The following DLGAP1 variants were observed in gnomAD, a reference collection of about 807,000 sequenced individuals.
DLGAP1 encodes disks large-associated protein 1.
Under a neutral mutation model 90.8 loss-of-function variants are expected in DLGAP1, and 11 were observed. That is an observed-to-expected ratio of 0.12 (90% confidence interval 0.08 to 0.20). DLGAP1 has a LOEUF of 0.20. Ranked by LOEUF, DLGAP1 falls within the 10% of genes least tolerant of loss-of-function variation. DLGAP1 has a pLI of 1.00. For synonymous variants in DLGAP1, 558 were observed against 540.7 expected (o/e 1.03, Z -0.44); for missense variants, 1,050 against 1,333.8 (o/e 0.79, Z 3.31).
chr18:3,759,861 TA>T (rs1329769754), intron 5 of DLGAP1, among the ~76,000 whole-genome samples: 20 of 152,238 alleles, frequency 1.3e-4, no homozygotes, highest in African/African-American at 4.6e-4. Flanking sequence ...TGTCACCAGG[TA>T]AAAGTGAGCC....
At chr18:4,077,612 T>A (rs2075543018) in intron 2 of DLGAP1, among the ~76,000 whole-genome samples, 1 of 152,200 alleles carries the variant, frequency 6.6e-6, no homozygotes, top group South Asian at 2.1e-4. Context: ...TGCTGTGTGA[T>A]CTCTGCATAT....
At chr18:3,592,711 G>T (rs1410268753) in intron 7 of DLGAP1, among the ~76,000 whole-genome samples, 1 of 151,600 alleles carries the variant, frequency 6.6e-6, no homozygotes, top group Non-Finnish European at 1.5e-5. Flanking sequence ...GGTCATGGTG[G>T]TGCACGCCTG....
chr18:4,167,615 C>G (rs2076953682), intron 1 of DLGAP1, among the ~76,000 whole-genome samples: 1 of 152,078 alleles, frequency 6.6e-6, no homozygotes, highest in South Asian at 2.1e-4. Context: ...CTCTTAGAAA[C>G]CAGTAAAACT....
intron 1 of DLGAP1, among the ~76,000 whole-genome samples, chr18:4,203,551 G>C (rs552248424): frequency 2.1e-4 from 32 of 152,052 alleles, no homozygotes; most frequent in Non-Finnish European, 3.8e-4. Flanking sequence ...TTAGCTTTAA[G>C]GTATCTTAAA....
At chr18:3,520,580 A>G (rs2051120370) in intron 10 of DLGAP1, among the ~76,000 whole-genome samples, 1 of 152,312 alleles carries the variant, frequency 6.6e-6, no homozygotes, top group East Asian at 1.9e-4. Context: ...ACTGGAGATG[A>G]GAACACAGAC....
At chr18:4,125,083 A>G (rs1330663156) in intron 2 of DLGAP1, among the ~76,000 whole-genome samples, 1 of 152,208 alleles carries the variant, frequency 6.6e-6, no homozygotes, top group Non-Finnish European at 1.5e-5. Flanking sequence ...AGTATATAGG[A>G]GCAAGGCAAG....
At chr18:3,582,769 G>C (rs2145403011) in intron 7 of DLGAP1, among the ~76,000 whole-genome samples, 1 of 152,248 alleles carries the variant, frequency 6.6e-6, no homozygotes, top group East Asian at 1.9e-4. Context: ...GTCTGGGGGA[G>C]AAGGGTACAC....
At chr18:4,267,310 A>G (rs186077415) in intron 1 of DLGAP1, among the ~76,000 whole-genome samples, 13 of 152,284 alleles carry the variant, frequency 8.5e-5, no homozygotes, top group Non-Finnish European at 1.5e-4. Flanking sequence ...TACAACTTCT[A>G]ATTTGTGGCA....
chr18:3,838,632 A>T (rs1183045976), intron 4 of DLGAP1, among the ~76,000 whole-genome samples: 1 of 152,218 alleles, frequency 6.6e-6, no homozygotes, highest in African/African-American at 2.4e-5. Context: ...ATAACTCATT[A>T]GTGATATATT....
chr18:4,144,570 C>A (rs1160458307), intron 2 of DLGAP1, among the ~76,000 whole-genome samples: 1 of 152,148 alleles, frequency 6.6e-6, no homozygotes, highest in African/African-American at 2.4e-5. Flanking sequence ...GGTACTGTGA[C>A]CACTCACCTG....
chr18:3,817,551 G>A (rs1291556000), intron 4 of DLGAP1, among the ~76,000 whole-genome samples: 4 of 152,034 alleles, frequency 2.6e-5, no homozygotes, highest in Non-Finnish European at 4.4e-5. Flanking sequence ...ACAGAAAATC[G>A]AGACCTTGGA....
At chr18:3,540,173 G>A (rs1043729183) in intron 9 of DLGAP1, among the ~76,000 whole-genome samples, 5 of 151,994 alleles carry the variant, frequency 3.3e-5, no homozygotes, top group Non-Finnish European at 7.4e-5. Context: ...CCGAGATCAA[G>A]AATTCAAGCT....
At chr18:3,667,786 G>A (rs1007438507) in intron 7 of DLGAP1, among the ~76,000 whole-genome samples, 2 of 152,126 alleles carry the variant, frequency 1.3e-5, no homozygotes, top group African/African-American at 2.4e-5. Context: ...GGCCAGAGCC[G>A]GAATGACTCC....
intron 5 of DLGAP1, among the ~76,000 whole-genome samples, chr18:3,780,280 C>T (rs2065130756): frequency 1.3e-5 from 2 of 152,170 alleles, no homozygotes; most frequent in Non-Finnish European, 2.9e-5. Context: ...TGTAATAAAT[C>T]ACCACAAGCT....
intron 9 of DLGAP1, among the ~76,000 whole-genome samples, chr18:3,550,145 C>T (rs1304325148): frequency 6.6e-6 from 1 of 152,064 alleles, no homozygotes; most frequent in East Asian, 1.9e-4. Flanking sequence ...AACTCCTGAC[C>T]TCGTGATCCA....
chr18:3,628,096 G>T (rs553982629), intron 7 of DLGAP1, among the ~76,000 whole-genome samples: 1 of 151,408 alleles, frequency 6.6e-6, no homozygotes, highest in Admixed American at 6.6e-5. Context: ...GGCTGGTCTC[G>T]ATCTCCTGAC....
chr18:4,292,449 T>G (rs11877605), intron 1 of DLGAP1, among the ~76,000 whole-genome samples: 4 of 151,900 alleles, frequency 2.6e-5, no homozygotes, highest in African/African-American at 9.7e-5. Flanking sequence ...TAGCAAATTT[T>G]TTATGTAGTA....
chr18:3,853,076 C>T lies in DLGAP1; in HGVS notation c.957+26036G>A, dbSNP rs867834875. The stretch of plus-strand genomic sequence containing the variant: ...AATTTTTATACGACAGGGATTACCT[C>T]TTCTTGCAGGTTTTATAAAAATTAA... On this transcript the variant is annotated intron_variant, in intron 4 of 12. Transcript: ENST00000315677. Among the ~76,000 whole-genome samples, 187 of 152,136 alleles carry T rather than the reference C, an allele frequency of 1.2e-3. 4 individuals are homozygous for T. Among genetic ancestry groups the T allele is most frequent in the Middle Eastern group, 0.01 (3 of 294 alleles).
chr18:4,127,446 G>GAGAAA (rs1343481790), intron 2 of DLGAP1, among the ~76,000 whole-genome samples: 3 of 152,220 alleles, frequency 2.0e-5, no homozygotes, highest in South Asian at 4.1e-4. Context: ...AAAGAGAGAA[G>GAGAAA]AGAAAAGAAA....
Sources: gnomAD v4.1 joint callset for allele counts (sites outside exome capture counted in the v4.1 genomes callset) on GRCh38, gnomAD v4.1.1 for gene constraint, MANE v1.5 for transcripts, NCBI Gene and HGNC (gene_info 2026-07-23, HGNC 2026-07-21) for gene names.